Variants in SYT6 observed in about 807,000 individuals in gnomAD.
SYT6 encodes the protein synaptotagmin-6.
A neutral mutation model predicts 38.4 loss-of-function variants in SYT6; 24 were observed. The ratio of observed to expected loss-of-function variants is 0.62; its 90% CI spans 0.45 to 0.88. SYT6 has a LOEUF of 0.88. SYT6 is among the 40% of genes least tolerant of loss of function. The pLI is 0.00. For synonymous variants in SYT6, 265 were observed against 241.9 expected (o/e 1.10, Z -0.89); for missense variants, 611 against 621.0 (o/e 0.98, Z 0.17).
At position 114,093,797 on chromosome 1, in the gene SYT6, G is replaced by T. The variant is rs538699584; in HGVS notation, c.1522C>A (p.Pro508Thr). ...CCACGTGAATGAAATCACAACCGAG[G>T]GTTTCCCTGGTGAAATATTTTAGAT... The part of the protein sequence containing the change: ...EVKKSFKEGN[P>T]RL The change falls in exon 7 of 8, where the codon CCT (proline) becomes ACT (threonine). Residue 508 changes from proline to threonine, a missense_variant. Physicochemically the swap from Pro to Thr is conservative, Grantham distance 38 (BLOSUM62 -1). Coordinates refer to ENST00000610222, the MANE Select transcript of SYT6 (RefSeq NM_001253772.2). 6.2e-7 allele frequency: 1 copy of T among 1,614,000 alleles called. No individual in the cohort carries two copies. Among genetic ancestry groups the T allele is most frequent in the South Asian group, 1.1e-5 (1 of 91,054 alleles).
At chr1:114,132,102 G>C (rs1478548398) in intron 3 of SYT6, among the ~76,000 whole-genome samples, 2 of 152,182 alleles carry the variant, frequency 1.3e-5, no homozygotes, top group Non-Finnish European at 2.9e-5. Context: ...ACATATGGGG[G>C]ATGACCATAA....
chr1:114,105,010 C>G (rs966413136), intron 3 of SYT6, among the ~76,000 whole-genome samples: 2 of 149,494 alleles, frequency 1.3e-5, no homozygotes, highest in Non-Finnish European at 3.0e-5. Flanking sequence ...CTCTAGTAGT[C>G]CCCAGTGTCT....
intron 6 of SYT6, among the ~76,000 whole-genome samples, chr1:114,095,210 A>G (rs2101619521): frequency 6.6e-6 from 1 of 152,334 alleles, no homozygotes; most frequent in South Asian, 2.1e-4. Flanking sequence ...TTTGTTTTCC[A>G]TATACTGTTA....
chr1:114,109,510 T>A (rs1259946705), intron 3 of SYT6, among the ~76,000 whole-genome samples: 1 of 152,250 alleles, frequency 6.6e-6, no homozygotes, highest in East Asian at 1.9e-4. Context: ...CTTCCTAACC[T>A]GTACACTGTA....
intron 3 of SYT6, among the ~76,000 whole-genome samples, chr1:114,114,912 G>C (rs892504934): frequency 2.6e-5 from 4 of 152,226 alleles, no homozygotes; most frequent in Non-Finnish European, 5.9e-5. Flanking sequence ...CTGCTGGACT[G>C]GTCCTGGCCC....
chr1:114,118,115 A>C (rs1356923775), intron 3 of SYT6, among the ~76,000 whole-genome samples: 1 of 152,204 alleles, frequency 6.6e-6, no homozygotes. Flanking sequence ...AGGAGGGAGC[A>C]TGGGGCCAGG....
intron 3 of SYT6, among the ~76,000 whole-genome samples, chr1:114,127,971 C>T (rs571688113): frequency 3.9e-5 from 6 of 152,332 alleles, no homozygotes; most frequent in East Asian, 3.9e-4. Context: ...ACCAAGGACC[C>T]GGTGGCTTCT....
chr1:114,099,405 C>G, intron 4 of SYT6, 140 bp from the exon 5 acceptor site: 1 of 810,270 alleles, frequency 1.2e-6, no homozygotes, highest in Non-Finnish European at 1.9e-6. Flanking sequence ...AATAATTAAA[C>G]CACCTTGTAT....
At chr1:114,099,879 A>G (rs1675859509) in intron 4 of SYT6, among the ~76,000 whole-genome samples, 1 of 152,114 alleles carries the variant, frequency 6.6e-6, no homozygotes, top group South Asian at 2.1e-4. Context: ...TTTGGCATCT[A>G]GAAGGCGTGA....
At chr1:114,122,506 T>TGTGTGTGTGTGCGCGCGC (rs60780339) in intron 3 of SYT6, among the ~76,000 whole-genome samples, 1,641 of 147,368 alleles carry the variant, frequency 0.011, 19 homozygotes, top group Admixed American at 0.02. Context: ...TGTGTGTGTG[T>TGTGTGTGTGTGCGCGCGC]GCGCGCACAT....
chr1:114,118,988 C>T (rs1173813908), intron 3 of SYT6, among the ~76,000 whole-genome samples: 3 of 152,254 alleles, frequency 2.0e-5, no homozygotes, highest in Non-Finnish European at 4.4e-5. Flanking sequence ...CACCATTGTT[C>T]TGCAGGGCAT....
chr1:114,093,659 C>A, intron 7 of SYT6, 76 bp downstream of exon 7: 2 of 1,394,936 alleles, frequency 1.4e-6, no homozygotes, highest in South Asian at 1.3e-5. Context: ...ATCTCAGCAT[C>A]TGGCCACACT....
rs769941252 is a variant in SYT6, at chr1:114,097,705, AG to A, written c.1515+21del. 27 of 1,612,152 alleles carry A rather than the reference AG, an allele frequency of 1.7e-5. No individual in the cohort carries two copies. In the Admixed American group the frequency reaches 2.8e-4, roughly 17 times the overall value. ...ACACTGCCATGCAGCAAACATGCCA[AG>A]GGCCAGGTGACCTCACCCACCTCTT... On this transcript the variant is annotated intron_variant, in intron 6 of 7. Transcript: ENST00000610222.
Position 114,143,272 on chromosome 1 carries a change from T to G in SYT6, c.164-3309A>C, listed in dbSNP as rs529254075. Among the ~76,000 whole-genome samples the G allele has an allele frequency of 1.0e-4, 15 of 149,298 alleles. No individual in the cohort carries two copies. In the South Asian group the frequency reaches 2.5e-3, roughly 25 times the overall value. On this transcript the variant is annotated intron_variant, in intron 1 of 7. Transcript: ENST00000610222. ...TTTTATAAAATATACTTTAGTCTAT[T>G]AAGTGTACAATAGAATTACACAAAG...
Position 114,091,112 on chromosome 1 carries a change from C to T in SYT6, c.*1022G>A, listed in dbSNP as rs1675279492. Reference sequence around the variant, plus strand: ...AAAAGAACATTTAATCTAGGTTTTTCTTTAATCTGTTTAGGCATTTTAAAC... The same window carrying T: ...AAAAGAACATTTAATCTAGGTTTTTTTTTAATCTGTTTAGGCATTTTAAAC... On this transcript the variant is annotated 3_prime_UTR_variant, in exon 8 of 8. Coordinates refer to ENST00000610222, the MANE Select transcript of SYT6 (RefSeq NM_001253772.2). 1 of 152,716 alleles carries T rather than the reference C, an allele frequency of 6.5e-6. No homozygotes were observed. The highest frequency in any genetic ancestry group is 2.1e-4 in the South Asian group (1 of 4,826). 9.5% of individuals were successfully genotyped at this position (152,716 alleles called of 1,614,324 possible).
At chr1:114,094,475 A>G (rs1331385099) in intron 6 of SYT6, among the ~76,000 whole-genome samples, 1 of 152,200 alleles carries the variant, frequency 6.6e-6, no homozygotes, top group Non-Finnish European at 1.5e-5. Flanking sequence ...ATGATGACAC[A>G]TGGCTCTGGG....
At chr1:114,103,001 A>T (rs912412476) in intron 4 of SYT6, among the ~76,000 whole-genome samples, 1 of 152,240 alleles carries the variant, frequency 6.6e-6, no homozygotes, top group African/African-American at 2.4e-5. Flanking sequence ...TGTCGCTAGA[A>T]TAAGACTATA....
At chr1:114,119,671 G>T (rs1557747911) in intron 3 of SYT6, among the ~76,000 whole-genome samples, 1 of 152,212 alleles carries the variant, frequency 6.6e-6, no homozygotes, top group Non-Finnish European at 1.5e-5. Context: ...AGCCAGCTTG[G>T]TTTTCTGAAA....
At chr1:114,137,203 T>G (rs1017876605) in intron 3 of SYT6, among the ~76,000 whole-genome samples, 5 of 152,242 alleles carry the variant, frequency 3.3e-5, no homozygotes, top group African/African-American at 1.2e-4. Flanking sequence ...ATGCCAAGTT[T>G]CTAATGCACA....
Sources: gnomAD v4.1 joint callset for allele counts (sites outside exome capture counted in the v4.1 genomes callset) on GRCh38, gnomAD v4.1.1 for gene constraint, MANE v1.5 for transcripts, NCBI Gene and HGNC (gene_info 2026-07-23, HGNC 2026-07-21) for gene names.